FHIT: variants seen among roughly 807,000 people sequenced by gnomAD.
FHIT encodes the protein fragile histidine triad diadenosine triphosphatase, also known as bis(5'-adenosyl)-triphosphatase.
FHIT carries 19 observed loss-of-function variants against 17.9 expected under a neutral mutation model. The ratio of observed to expected loss-of-function variants is 1.06; its 90% CI spans 0.74 to 1.56. The LOEUF (loss-of-function observed/expected upper bound fraction) is 1.56, where lower values mean the gene tolerates loss of function less well. Among genes scored for constraint, FHIT ranks in the 40% most tolerant of loss-of-function variants. FHIT has a pLI of 0.00. For synonymous variants in FHIT, 81 were observed against 69.7 expected (o/e 1.16, Z -0.81); for missense variants, 248 against 189.2 (o/e 1.31, Z -1.82).
chr3:60,119,201 G>A (rs979156745), intron 5 of FHIT, among the ~76,000 whole-genome samples: 1 of 151,720 alleles, frequency 6.6e-6, no homozygotes, highest in African/African-American at 2.4e-5. Context: ...AGCCTCTCAA[G>A]TAGCTGGGAC....
chr3:60,730,204 G>A (rs1225942943), intron 4 of FHIT: 2 of 348,362 alleles, frequency 5.7e-6, no homozygotes, highest in Non-Finnish European at 5.8e-6. Flanking sequence ...CCAGATTTTC[G>A]TGTATTCCTC....
intron 3 of FHIT, among the ~76,000 whole-genome samples, chr3:61,037,886 A>G: frequency 6.6e-6 from 1 of 152,238 alleles, no homozygotes; most frequent in East Asian, 1.9e-4. Context: ...ATTCTATTAT[A>G]GCAGCACAAA....
intron 2 of FHIT, among the ~76,000 whole-genome samples, chr3:61,059,372 C>CTTTTTTTTTTT (rs201797361): frequency 1.8e-5 from 2 of 113,280 alleles, no homozygotes; most frequent in Non-Finnish European, 3.6e-5. Flanking sequence ...TTGCTTTTTC[C>CTTTTTTTTTTT]TTTTTTTTTT....
At chr3:60,515,449 G>T (rs569511142) in intron 5 of FHIT, among the ~76,000 whole-genome samples, 42 of 148,772 alleles carry the variant, frequency 2.8e-4, no homozygotes, top group African/African-American at 1.0e-3. Context: ...CTTACAAGAA[G>T]ATAAATGCAT....
At chr3:60,584,945 C>A (rs982541766) in intron 4 of FHIT, among the ~76,000 whole-genome samples, 1 of 151,956 alleles carries the variant, frequency 6.6e-6, no homozygotes, top group Non-Finnish European at 1.5e-5. Flanking sequence ...GCCCATAAAC[C>A]TAATCTAAAC....
intron 5 of FHIT, among the ~76,000 whole-genome samples, chr3:60,480,090 A>G (rs2033539472): frequency 6.6e-6 from 1 of 152,188 alleles, no homozygotes; most frequent in Admixed American, 6.5e-5. Flanking sequence ...GGGAGGCCTC[A>G]GGAAACTTAC....
chr3:61,234,347 G>C (rs1195181856), intron 1 of FHIT, among the ~76,000 whole-genome samples: 1 of 152,210 alleles, frequency 6.6e-6, no homozygotes, highest in African/African-American at 2.4e-5. Context: ...AGAAAAAATG[G>C]TGAGGAAAAC....
intron 2 of FHIT, among the ~76,000 whole-genome samples, chr3:61,089,985 CA>C (rs2035429275): frequency 6.6e-6 from 1 of 152,150 alleles, no homozygotes; most frequent in Admixed American, 6.5e-5. Context: ...TCCTAAAAGC[CA>C]ATCAACAAGC....
chr3:60,566,872 G>C (rs187144872), intron 4 of FHIT, among the ~76,000 whole-genome samples: 17,231 of 145,556 alleles, frequency 0.12, 1,342 homozygotes, highest in Non-Finnish European at 0.16. Context: ...GCTTCAAAGA[G>C]AAGAAAATAC....
intron 3 of FHIT, among the ~76,000 whole-genome samples, chr3:60,832,721 G>T (rs1345132726): frequency 6.7e-6 from 1 of 149,522 alleles, no homozygotes; most frequent in Non-Finnish European, 1.5e-5. Context: ...CACCATAAAA[G>T]TCGTTTTTCC....
At chr3:60,672,568 A>T (rs1553694218) in intron 4 of FHIT, among the ~76,000 whole-genome samples, 1 of 152,142 alleles carries the variant, frequency 6.6e-6, no homozygotes. Flanking sequence ...TTCTTTTGTG[A>T]TTCTTCAGTT....
chr3:60,570,723 G>C (rs537086289), intron 4 of FHIT, among the ~76,000 whole-genome samples: 1 of 111,044 alleles, frequency 9.0e-6, no homozygotes, highest in African/African-American at 3.5e-5. Context: ...ACAATACTTA[G>C]TACATTAAAA....
At chr3:60,900,734 A>G (rs1251288183) in intron 3 of FHIT, among the ~76,000 whole-genome samples, 1 of 152,192 alleles carries the variant, frequency 6.6e-6, no homozygotes, top group African/African-American at 2.4e-5. Flanking sequence ...CTAAAATCAG[A>G]ATTCATTATA....
At chr3:61,226,080 G>C (rs1207770192) in intron 1 of FHIT, among the ~76,000 whole-genome samples, 4 of 152,080 alleles carry the variant, frequency 2.6e-5, no homozygotes, top group African/African-American at 9.7e-5. Flanking sequence ...ACAGTTTATT[G>C]ATCTGGAATA....
At chr3:61,023,923 C>T (rs1010336696) in intron 3 of FHIT, among the ~76,000 whole-genome samples, 1 of 152,094 alleles carries the variant, frequency 6.6e-6, no homozygotes, top group Non-Finnish European at 1.5e-5. Context: ...CAATACCATT[C>T]AGGACATAGG....
intron 5 of FHIT, among the ~76,000 whole-genome samples, chr3:60,041,038 C>T (rs1170086654): frequency 2.0e-5 from 3 of 152,092 alleles, no homozygotes; most frequent in Non-Finnish European, 4.4e-5. Context: ...TCCAAAACAT[C>T]TCTCTGAAGG....
chr3:60,672,751 A>C (rs1214360571), intron 4 of FHIT, among the ~76,000 whole-genome samples: 5 of 151,956 alleles, frequency 3.3e-5, no homozygotes, highest in African/African-American at 4.8e-5. Flanking sequence ...CCATCTGAAT[A>C]TTTATGCCAT....
At chr3:60,569,772 A>T in intron 4 of FHIT, among the ~76,000 whole-genome samples, 1 of 17,422 alleles carries the variant, frequency 5.7e-5, no homozygotes, top group African/African-American at 1.7e-4. Context: ...TTTTTTTTAG[A>T]CAGAGTTTTG....
At chr3:60,256,848 CTAA>C (rs749798289) in intron 5 of FHIT, among the ~76,000 whole-genome samples, 23 of 152,146 alleles carry the variant, frequency 1.5e-4, no homozygotes, top group Non-Finnish European at 2.5e-4. Flanking sequence ...TATGATCTTA[CTAA>C]TATTCAGCTC....
Sources: allele counts gnomAD v4.1 joint callset (sites outside exome capture counted in the v4.1 genomes callset), GRCh38; gene constraint gnomAD v4.1.1; transcripts MANE v1.5; gene names NCBI Gene and HGNC (gene_info 2026-07-23, HGNC 2026-07-21).